Variants in PIR observed in about 807,000 individuals in gnomAD.
The protein encoded by PIR is pirin.
A neutral mutation model predicts 24.2 loss-of-function variants in PIR; 22 were observed. The ratio of observed to expected loss-of-function variants is 0.91; its 90% CI spans 0.65 to 1.30. The LOEUF (loss-of-function observed/expected upper bound fraction) is 1.30, where lower values mean the gene tolerates loss of function less well. Ranked by LOEUF, PIR falls within the 50% of genes most tolerant of loss-of-function variation. The pLI, the probability that PIR is intolerant of heterozygous loss-of-function variation, is 0.00. For synonymous variants in PIR, 80 were observed against 79.6 expected, an observed-to-expected ratio of 1.00 and a Z score of -0.03; for missense variants, 220 against 220.3, an observed-to-expected ratio of 1.00 and a Z score of 0.01.
chrX:15,441,391 C>T (rs1925910245), intron 5 of PIR, among the ~76,000 whole-genome samples: 1 of 111,018 alleles, frequency 9.0e-6, no homozygotes, highest in Non-Finnish European at 1.9e-5. Flanking sequence ...GACAGATATG[C>T]CTTGGTGTGA....
chrX:15,462,610 T>C (rs1351714662), intron 3 of PIR, among the ~76,000 whole-genome samples: 1 of 112,352 alleles, frequency 8.9e-6, no homozygotes, highest in African/African-American at 3.2e-5. Context: ...AGCCAGATTG[T>C]TTTTGTCGTC....
At chrX:15,466,631 G>A (rs1050352826) in intron 3 of PIR, among the ~76,000 whole-genome samples, 3 of 112,092 alleles carry the variant, frequency 2.7e-5, no homozygotes, top group Non-Finnish European at 5.6e-5. Context: ...GAGTGGTAAG[G>A]ACTAAGTGAG....
intron 6 of PIR, among the ~76,000 whole-genome samples, chrX:15,408,971 C>A (rs1924636544): frequency 8.9e-6 from 1 of 112,005 alleles, no homozygotes; most frequent in African/African-American, 3.3e-5. Flanking sequence ...CACACATGAG[C>A]AAGTGCCAGA....
At chrX:15,478,021 C>A (rs985620977) in intron 3 of PIR, among the ~76,000 whole-genome samples, 1 of 83,524 alleles carries the variant, frequency 1.2e-5, no homozygotes, top group African/African-American at 4.5e-5. Context: ...TATTCCCCCC[C>A]CCCCAGAAAG....
intron 5 of PIR, among the ~76,000 whole-genome samples, chrX:15,445,369 A>C (rs767016197): frequency 3.6e-5 from 4 of 110,646 alleles, no homozygotes; most frequent in African/African-American, 9.9e-5. Context: ...TGAACATCAC[A>C]CACCCGGGCC....
intron 2 of PIR, among the ~76,000 whole-genome samples, chrX:15,480,283 A>T (rs762960163): frequency 1.7e-3 from 189 of 110,952 alleles, no homozygotes; most frequent in Non-Finnish European, 3.1e-3. Flanking sequence ...AGTCCAGTTA[A>T]ACCTCTTTCT....
chrX:15,438,635 AG>A (rs1199894700), intron 5 of PIR, among the ~76,000 whole-genome samples: 7 of 111,827 alleles, frequency 6.3e-5, no homozygotes, highest in African/African-American at 2.3e-4. Flanking sequence ...ATAGCTCCTC[AG>A]CCCTTGGCCT....
intron 5 of PIR, among the ~76,000 whole-genome samples, chrX:15,433,388 A>C (rs1463897095): frequency 9.2e-6 from 1 of 108,121 alleles, no homozygotes; most frequent in African/African-American, 3.4e-5. Flanking sequence ...GGCTGTGGAG[A>C]AGGACAAAGC....
rs1191823539 is a variant in PIR at position 15,493,175 on chromosome X, G to A, written c.-53+15C>T. On this transcript the variant is annotated intron_variant, in intron 1 of 9. Transcript: ENST00000380420. ...CCTCACCTAGTGGACCCCTGCAGGA[G>A]CCCCAGGTACTCACGCTGCGGTAGC... 1.8e-5 allele frequency: 2 copies of A among 113,147 alleles called. No individual in the cohort carries two copies. The highest frequency in any genetic ancestry group is 9.2e-5 in the Admixed American group (1 of 10,845). 9.3% of individuals were successfully genotyped at this position (113,147 alleles called of 1,213,427 possible). A position where few individuals can be genotyped will look rare whatever the true frequency, so the allele number is the denominator to read the frequency against.
chrX:15,426,327 G>C (rs1160686630), intron 5 of PIR, among the ~76,000 whole-genome samples: 5 of 111,741 alleles, frequency 4.5e-5, no homozygotes, highest in Non-Finnish European at 7.5e-5. Context: ...TGATATGGCA[G>C]GTTATCTCAC....
rs1034146162 is a variant in PIR, at chrX:15,427,131, G to A, written c.481-1141C>T. On this transcript the variant is annotated intron_variant, in intron 5 of 9. Coordinates refer to ENST00000380420, the MANE Select transcript of PIR (RefSeq NM_001018109.3). ...AGACAGACACAGAAGATCATACACC[G>A]TATGATTCCATTTCTACAAAGTTCA... is the stretch of plus-strand genomic sequence containing the variant. Among the ~76,000 whole-genome samples the A allele has an allele frequency of 4.4e-4, 49 of 111,453 alleles. 1 individual carries two copies. Among genetic ancestry groups the A allele is most frequent in the Admixed American group, 3.8e-4 (4 of 10,514 alleles).
chrX:15,461,642 G>C (rs1049271525), intron 3 of PIR, among the ~76,000 whole-genome samples: 1 of 111,242 alleles, frequency 9.0e-6, no homozygotes, highest in African/African-American at 3.3e-5. Context: ...AATTAGCCGG[G>C]TGTGGTGGCA....
intron 5 of PIR, among the ~76,000 whole-genome samples, chrX:15,434,772 A>G (rs1306665913): frequency 9.5e-6 from 1 of 105,307 alleles, no homozygotes; most frequent in Admixed American, 1.0e-4. Flanking sequence ...TTTGGCCTTT[A>G]ATTTCATTTA....
At chrX:15,432,456 G>A (rs1394598036) in intron 5 of PIR, among the ~76,000 whole-genome samples, 1 of 112,002 alleles carries the variant, frequency 8.9e-6, no homozygotes, top group Non-Finnish European at 1.9e-5. Context: ...ACATTAAAGT[G>A]AAGACTTGAA....
At chrX:15,468,105 C>A (rs1921697845) in intron 3 of PIR, among the ~76,000 whole-genome samples, 1 of 112,509 alleles carries the variant, frequency 8.9e-6, no homozygotes, top group Non-Finnish European at 1.9e-5. Flanking sequence ...ACTTCTATGA[C>A]TACCCAAATT....
At chrX:15,433,707 A>G (rs1456934721) in intron 5 of PIR, among the ~76,000 whole-genome samples, 16 of 45,802 alleles carry the variant, frequency 3.5e-4, no homozygotes, top group South Asian at 1.9e-3. Context: ...GAGGAAGGAG[A>G]AAGAAGGAGG....
At chrX:15,406,353 G>A (rs1251409440) in intron 7 of PIR, among the ~76,000 whole-genome samples, 2 of 112,172 alleles carry the variant, frequency 1.8e-5, no homozygotes, top group East Asian at 2.8e-4. Flanking sequence ...AGAGTCAGGA[G>A]AGTTAGACAG....
chrX:15,425,887 A>C lies in PIR; in HGVS notation c.565+19T>G, dbSNP rs371272133. On this transcript the variant is annotated intron_variant, in intron 6 of 9. Transcript: ENST00000380420. ...TTTTTTTTCCTGACGTGACTACTAA[A>C]CCCCAGAACCCATCATACCTTTAGG... The C allele has an allele frequency of 2.8e-5, 28 of 984,148 alleles. No individual in the cohort carries two copies. Among genetic ancestry groups the C allele is most frequent in the Non-Finnish European group, 3.9e-5 (27 of 700,894 alleles). 81.1% of individuals were successfully genotyped at this position (984,148 alleles called of 1,213,427 possible). A position where few individuals can be genotyped will look rare whatever the true frequency, so the allele number is the denominator to read the frequency against.
chrX:15,483,174 T>TATAG (rs955424390), intron 2 of PIR, among the ~76,000 whole-genome samples: 2 of 98,749 alleles, frequency 2.0e-5, no homozygotes, highest in African/African-American at 3.8e-5. Flanking sequence ...CATATATATA[T>TATAG]AAATTCAACA....
Sources: gnomAD v4.1 joint callset for allele counts (sites outside exome capture counted in the v4.1 genomes callset) on GRCh38, gnomAD v4.1.1 for gene constraint, MANE v1.5 for transcripts, NCBI Gene and HGNC (gene_info 2026-07-23, HGNC 2026-07-21) for gene names.